PPARA: variants seen among roughly 807,000 people sequenced by gnomAD.
PPARA encodes peroxisome proliferator-activated receptor alpha.
Under a neutral mutation model 42.2 loss-of-function variants are expected in PPARA, and 22 were observed. The observed-to-expected ratio is 0.52, with a 90% confidence interval of 0.37 to 0.74. The LOEUF is 0.74. Among genes scored for constraint, PPARA ranks in the 30% least tolerant of loss-of-function variants. The probability of loss-of-function intolerance (pLI) is 0.00; values close to 1 mark genes in which losing one functional copy is unlikely to be tolerated. For synonymous variants in PPARA, 242 were observed against 239.3 expected (o/e 1.01, Z -0.10); for missense variants, 465 against 608.2 (o/e 0.76, Z 2.48).
rs1931190207 is a variant in PPARA at position 46,188,983 on chromosome 22, G to C, written c.-42-9359G>C. ...GTTTTGTAACTGGCCAGGCCACTGC[G>C]CCCAGGCTGCTTCCTCGTCATCTGG... On this transcript the variant is annotated intron_variant, in intron 3 of 8. Transcript: ENST00000407236. This position sits in a 1 kb window ranked among gnomAD's most constrained non-coding sequence, Gnocchi z 5.0. Among the ~76,000 whole-genome samples, 1 of 152,204 alleles carries C rather than the reference G, an allele frequency of 6.6e-6. No individual in the cohort carries two copies. Among genetic ancestry groups the C allele is most frequent in the Admixed American group, 6.5e-5 (1 of 15,282 alleles).
chr22:46,173,468 A>C lies in PPARA; in HGVS notation c.-126-3285A>C, dbSNP rs1041970824. 6.6e-6 allele frequency among the ~76,000 whole-genome samples: 1 copy of C among 152,218 alleles called. No homozygotes were observed. Among genetic ancestry groups the C allele is most frequent in the Non-Finnish European group, 1.5e-5 (1 of 68,032 alleles). The stretch of plus-strand genomic sequence containing the variant: ...ATTAACTGTGGATTCTTCTATGCAG[A>C]TATCTGTCACAATATAAGTTACTAT... On this transcript the variant is annotated intron_variant, in intron 2 of 8. Transcript: ENST00000407236. This position sits in a 1 kb window ranked among gnomAD's most constrained non-coding sequence, Gnocchi z 4.3.
intron 2 of PPARA, among the ~76,000 whole-genome samples, chr22:46,166,669 T>C (rs1927126385): frequency 6.6e-6 from 1 of 150,674 alleles, no homozygotes; most frequent in Non-Finnish European, 1.5e-5. Context: ...TATGAAATGC[T>C]CAGAGATAAA....
intron 4 of PPARA, 29 bp downstream of exon 4, chr22:46,198,620 AT>A: frequency 6.9e-7 from 1 of 1,453,692 alleles, no homozygotes; most frequent in Non-Finnish European, 9.5e-7. Flanking sequence ...AGAAAGTTTT[AT>A]TTAGAAATGT....
At position 46,232,380 on chromosome 22, in the gene PPARA, A is replaced by G; in HGVS notation, c.1159+141A>G. On this transcript the variant is annotated intron_variant, in intron 8 of 8. Transcript: ENST00000407236. This position sits in a 1 kb window ranked among gnomAD's most constrained non-coding sequence, Gnocchi z 5.3. ...CATGGTGGGAAGACGTCTGACCCCCAGTCACTGCTGAGAATTCAGTGGGAA... is the reference window on the plus strand; with the variant it reads ...CATGGTGGGAAGACGTCTGACCCCCGGTCACTGCTGAGAATTCAGTGGGAA... 1.3e-6 allele frequency: 1 copy of G among 777,520 alleles called. No individual in the cohort carries two copies. The allele number at this position is 777,520 out of a possible 1,614,324, so 48.2% of individuals were successfully genotyped here.
chr22:46,196,801 C>T lies in PPARA; in HGVS notation c.-42-1541C>T, dbSNP rs1376783606. On this transcript the variant is annotated intron_variant, in intron 3 of 8. Coordinates refer to ENST00000407236, the MANE Select transcript of PPARA (RefSeq NM_005036.6). The surrounding 1 kb of genome is among the most constrained non-coding windows in gnomAD (Gnocchi z 5.6). ...GCAGTGGTGCGACCTCAGCTCACCG[C>T]AACCTCCGCCTCCCATGTTCAAGCG... 3.0e-4 allele frequency among the ~76,000 whole-genome samples: 45 copies of T among 152,222 alleles called. No homozygotes were observed. Among genetic ancestry groups the T allele is most frequent in the Non-Finnish European group, 4.4e-5 (3 of 68,050 alleles).
At chr22:46,174,832 C>CA (rs1431960696) in intron 2 of PPARA, among the ~76,000 whole-genome samples, 2 of 151,936 alleles carry the variant, frequency 1.3e-5, no homozygotes, top group African/African-American at 2.4e-5. Flanking sequence ...AACAATCAAA[C>CA]AAAAAATCAC....
chr22:46,208,913 TGTGC>T (rs999932132), intron 4 of PPARA, among the ~76,000 whole-genome samples: 1 of 148,306 alleles, frequency 6.7e-6, no homozygotes, highest in African/African-American at 2.6e-5. Flanking sequence ...TGTGTGTGTG[TGTGC>T]GTGTGTGTGT....
chr22:46,158,133 G>T (rs780525420), intron 2 of PPARA, among the ~76,000 whole-genome samples: 2 of 152,120 alleles, frequency 1.3e-5, no homozygotes, highest in Non-Finnish European at 2.9e-5. Context: ...GCGAGGCCAG[G>T]CGTGGAGGCT....
Position 46,198,594 on chromosome 22 carries a change from A to C in PPARA, c.208+3A>C. 1 of 1,612,348 alleles carries C rather than the reference A, an allele frequency of 6.2e-7. No individual in the cohort carries two copies. The highest frequency in any genetic ancestry group is 8.5e-7 in the Non-Finnish European group (1 of 1,178,990). On this transcript the variant is annotated splice_donor_region_variant and intron_variant, in intron 4 of 8. Coordinates refer to ENST00000407236, the MANE Select transcript of PPARA (RefSeq NM_005036.6). ...CTCAGATGGCTCGGTCATCACGGGTAAGTGTGCCGTTTCCTAGAAAGTTTT... is the reference window on the plus strand; with the variant it reads ...CTCAGATGGCTCGGTCATCACGGGTCAGTGTGCCGTTTCCTAGAAAGTTTT...
Position 46,180,309 on chromosome 22 carries a change from A to G in PPARA, c.-43+3473A>G, listed in dbSNP as rs1279610187. ...AATTAGAAAAATAATAATAAAGGTA[A>G]CAATAGCAGTAATAATAATAGAAAT... On this transcript the variant is annotated intron_variant, in intron 3 of 8. Coordinates refer to ENST00000407236, the MANE Select transcript of PPARA (RefSeq NM_005036.6). The surrounding 1 kb of genome is among the most constrained non-coding windows in gnomAD (Gnocchi z 4.2). 2.6e-5 allele frequency among the ~76,000 whole-genome samples: 4 copies of G among 152,110 alleles called. No individual in the cohort carries two copies. Among genetic ancestry groups the G allele is most frequent in the Non-Finnish European group, 5.9e-5 (4 of 68,024 alleles).
intron 3 of PPARA, among the ~76,000 whole-genome samples, chr22:46,189,162 A>G (rs1237133563): frequency 6.6e-6 from 1 of 152,258 alleles, no homozygotes; most frequent in African/African-American, 2.4e-5. Flanking sequence ...AACGGACACA[A>G]AATGTGTCCA....
chr22:46,218,250 A>G lies in PPARA; in HGVS notation c.370-13A>G, dbSNP rs6413511. Reference sequence around the variant, plus strand: ...GCCCAGGTCTTTAAATCCACTGTGTATTACCCTCACAGGGCTTCTTTCGGC... The same window carrying G: ...GCCCAGGTCTTTAAATCCACTGTGTGTTACCCTCACAGGGCTTCTTTCGGC... On this transcript the variant is annotated splice_polypyrimidine_tract_variant and intron_variant, in intron 5 of 8. Coordinates refer to ENST00000407236, the MANE Select transcript of PPARA (RefSeq NM_005036.6). 307 of 1,614,094 alleles carry G rather than the reference A, an allele frequency of 1.9e-4. 1 individual carries two copies. The East Asian group carries it at 5.6e-3, about 29-fold the overall frequency.
intron 2 of PPARA, among the ~76,000 whole-genome samples, chr22:46,175,042 G>T (rs1282966162): frequency 6.6e-6 from 1 of 151,854 alleles, no homozygotes; most frequent in Non-Finnish European, 1.5e-5. Context: ...CTCCTGAGTA[G>T]CTGGGTTCAT....
intron 3 of PPARA, among the ~76,000 whole-genome samples, chr22:46,178,668 C>A (rs1223101465): frequency 6.6e-6 from 1 of 152,060 alleles, no homozygotes; most frequent in African/African-American, 2.4e-5. Flanking sequence ...CTACTTGAGG[C>A]CAGGAAAAGA....
rs960237415 is a variant in PPARA at position 46,219,224 on chromosome 22, G to A, written c.509-588G>A. Among the ~76,000 whole-genome samples the A allele has an allele frequency of 3.3e-5, 5 of 152,100 alleles. 1 individual carries two copies. Among genetic ancestry groups the A allele is most frequent in the Non-Finnish European group, 4.4e-5 (3 of 68,012 alleles). ...TGAGATTCAGTGGTGCATTGGACTCGCTGTTAGAAACTTCAGTGGTAAGAC... is the reference window on the plus strand; with the variant it reads ...TGAGATTCAGTGGTGCATTGGACTCACTGTTAGAAACTTCAGTGGTAAGAC... On this transcript the variant is annotated intron_variant, in intron 6 of 8. Coordinates refer to ENST00000407236, the MANE Select transcript of PPARA (RefSeq NM_005036.6). This position sits in a 1 kb window ranked among gnomAD's most constrained non-coding sequence, Gnocchi z 4.8.
At chr22:46,210,008 G>A (rs553528415) in intron 4 of PPARA, among the ~76,000 whole-genome samples, 66 of 152,180 alleles carry the variant, frequency 4.3e-4, no homozygotes, top group African/African-American at 1.3e-3. Context: ...GCCTCCCAAC[G>A]TGTTGGGATT....
At chr22:46,228,875 TG>T (rs1449988026) in intron 7 of PPARA, among the ~76,000 whole-genome samples, 1 of 151,608 alleles carries the variant, frequency 6.6e-6, no homozygotes, top group African/African-American at 2.4e-5. Flanking sequence ...GAGGCTGAGG[TG>T]GGCGGATCAC....
rs530833789 is a variant in PPARA at position 46,183,150 on chromosome 22, A to G, written c.-43+6314A>G. ...TGAGGACCCACACTCGGGTGCCCCA[A>G]TGTGGCGGTGCTTACAGAAATGACT... On this transcript the variant is annotated intron_variant, in intron 3 of 8. Transcript: ENST00000407236. The surrounding 1 kb of genome is among the most constrained non-coding windows in gnomAD (Gnocchi z 5.5). Among the ~76,000 whole-genome samples the G allele has an allele frequency of 8.5e-5, 13 of 152,322 alleles. No homozygotes were observed. Among genetic ancestry groups the G allele is most frequent in the Admixed American group, 2.0e-4 (3 of 15,296 alleles).
chr22:46,201,298 G>A (rs1430469723), intron 4 of PPARA, among the ~76,000 whole-genome samples: 3 of 152,124 alleles, frequency 2.0e-5, no homozygotes, highest in Non-Finnish European at 2.9e-5. Flanking sequence ...ATCAGGAATT[G>A]CAAGAGGCAA....
Sources: allele counts gnomAD v4.1 joint callset (sites outside exome capture counted in the v4.1 genomes callset), GRCh38; gene constraint gnomAD v4.1.1; non-coding constraint Gnocchi (gnomAD v3.1); transcripts MANE v1.5; gene names NCBI Gene and HGNC (gene_info 2026-07-23, HGNC 2026-07-21).